ITPR1: variants seen among roughly 807,000 people sequenced by gnomAD.
ITPR1 encodes inositol 1,4,5-trisphosphate receptor type 1.
ITPR1 carries 96 observed loss-of-function variants against 318.4 expected under a neutral mutation model. That is an observed-to-expected ratio of 0.30 (90% CI 0.26 to 0.36). The LOEUF (loss-of-function observed/expected upper bound fraction) is 0.36, where lower values mean the gene tolerates loss of function less well. Among genes scored for constraint, ITPR1 ranks in the 10% least tolerant of loss-of-function variants. The pLI, the probability that ITPR1 is intolerant of heterozygous loss-of-function variation, is 1.00. For synonymous variants in ITPR1, 1,312 were observed against 1,289.9 expected (o/e 1.02, Z -0.37); for missense variants, 2,440 against 3,460.2 (o/e 0.71, Z 7.40).
At chr3:4,791,262 A>C (rs1338788658) in intron 52 of ITPR1, among the ~76,000 whole-genome samples, 1 of 152,212 alleles carries the variant, frequency 6.6e-6, no homozygotes, top group Non-Finnish European at 1.5e-5. Flanking sequence ...GCCCCTGATA[A>C]GTAGAAAACG....
chr3:4,785,158 A>G (rs919752108), intron 51 of ITPR1, among the ~76,000 whole-genome samples: 1 of 152,376 alleles, frequency 6.6e-6, no homozygotes, highest in East Asian at 1.9e-4. Flanking sequence ...TCATTGGTGT[A>G]TCTCCATTTT....
chr3:4,559,352 G>A (rs2125013850), intron 4 of ITPR1, among the ~76,000 whole-genome samples: 1 of 152,116 alleles, frequency 6.6e-6, no homozygotes, highest in East Asian at 1.9e-4. Context: ...GCATTAATTT[G>A]ATTAAAAATT....
chr3:4,626,395 A>T (rs924047212), intron 4 of ITPR1, among the ~76,000 whole-genome samples: 4 of 152,182 alleles, frequency 2.6e-5, no homozygotes, highest in Non-Finnish European at 4.4e-5. Flanking sequence ...GTTCATCATT[A>T]AAAACAATAT....
At chr3:4,714,100 C>G (rs564452295) in intron 39 of ITPR1, among the ~76,000 whole-genome samples, 2 of 152,320 alleles carry the variant, frequency 1.3e-5, no homozygotes, top group East Asian at 3.9e-4. Context: ...CTTTGTCTGT[C>G]TCACTAAGGC....
At chr3:4,526,016 G>C (rs1316994898) in intron 4 of ITPR1, among the ~76,000 whole-genome samples, 1 of 152,192 alleles carries the variant, frequency 6.6e-6, no homozygotes, top group African/African-American at 2.4e-5. Flanking sequence ...CAATTAGATA[G>C]GCTTTAGTGT....
Position 4,684,286 on chromosome 3 carries a change from A to G in ITPR1, c.3504A>G (p.Gly1168=). ...GENEHKKTEE[G]NNKPQKHEST... Reference sequence around the variant, plus strand: ...GTGTTCACTTTGGTTTCTAGGAGGGAAATAACAAGCCACAAAAGCATGAAA... The same window carrying G: ...GTGTTCACTTTGGTTTCTAGGAGGGGAATAACAAGCCACAAAAGCATGAAA... Residue 1168 remains glycine (G), a synonymous_variant, in exon 29 of 62, where the codon GGA becomes GGG. Coordinates refer to ENST00000649015, the MANE Select transcript of ITPR1 (RefSeq NM_001378452.1). 6.2e-7 allele frequency: 1 copy of G among 1,611,012 alleles called. No individual in the cohort carries two copies. The highest frequency in any genetic ancestry group is 8.5e-7 in the Non-Finnish European group (1 of 1,178,006).
At chr3:4,821,691 C>T (rs544527085) in intron 60 of ITPR1, among the ~76,000 whole-genome samples, 2 of 152,306 alleles carry the variant, frequency 1.3e-5, no homozygotes, top group African/African-American at 4.8e-5. Context: ...AACACAACAG[C>T]CTGTCTAGAT....
At chr3:4,514,353 C>A (rs115349606) in intron 2 of ITPR1, among the ~76,000 whole-genome samples, 1,774 of 152,252 alleles carry the variant, frequency 0.012, 31 homozygotes, top group African/African-American at 0.04. Context: ...TAATGCAGAA[C>A]CGTGCTGTAG....
rs1470742750 is a variant in ITPR1, at chr3:4,818,069, GTC to G, written c.7868-10_7868-9del. 2 of 1,586,410 alleles carry G rather than the reference GTC, an allele frequency of 1.3e-6. No homozygotes were observed. Among genetic ancestry groups the G allele is most frequent in the African/African-American group, 2.7e-5 (2 of 74,214 alleles). ...GCTCAGCTGGGGCTGGGGGCTTTTT[GTC>G]TCATTTTTAGGCTTGGAAAGAGACA... On this transcript the variant is annotated splice_polypyrimidine_tract_variant and intron_variant, in intron 59 of 61. Coordinates refer to ENST00000649015, the MANE Select transcript of ITPR1 (RefSeq NM_001378452.1).
At chr3:4,503,885 T>G (rs2081216799) in intron 2 of ITPR1, among the ~76,000 whole-genome samples, 1 of 152,176 alleles carries the variant, frequency 6.6e-6, no homozygotes, top group African/African-American at 2.4e-5. Flanking sequence ...AGGCTGGGAC[T>G]GACTTCAACT....
intron 10 of ITPR1, chr3:4,646,035 A>C: frequency 3.3e-6 from 1 of 299,610 alleles, no homozygotes; most frequent in South Asian, 6.6e-5. Flanking sequence ...TTGGAAACAA[A>C]TTCAAAAACG....
At chr3:4,832,952 C>G (rs575545607) in intron 60 of ITPR1, among the ~76,000 whole-genome samples, 30 of 152,278 alleles carry the variant, frequency 2.0e-4, no homozygotes, top group Non-Finnish European at 3.4e-4. Context: ...TAGACACTCA[C>G]CCTTGGAGGT....
intron 52 of ITPR1, among the ~76,000 whole-genome samples, chr3:4,791,651 T>C (rs2047563475): frequency 6.6e-6 from 1 of 152,200 alleles, no homozygotes; most frequent in African/African-American, 2.4e-5. Flanking sequence ...GTGTAAGCTA[T>C]GACTCCTCCT....
chr3:4,709,191 C>CTT (rs1466214831), intron 37 of ITPR1, among the ~76,000 whole-genome samples: 1 of 152,092 alleles, frequency 6.6e-6, no homozygotes, highest in African/African-American at 2.4e-5. Flanking sequence ...AGAAATGACC[C>CTT]TTTTTTGACT....
chr3:4,648,209 A>T (rs1325849698), intron 10 of ITPR1, among the ~76,000 whole-genome samples: 3 of 151,812 alleles, frequency 2.0e-5, no homozygotes, highest in Non-Finnish European at 4.4e-5. Flanking sequence ...TTCCACAGTT[A>T]TGATAAAAAG....
chr3:4,627,715 C>A, intron 4 of ITPR1, 48 bp from the exon 5 acceptor site: 1 of 1,116,942 alleles, frequency 9.0e-7, no homozygotes, highest in Non-Finnish European at 1.4e-6. Context: ...TAGGCTGAGT[C>A]TCTATACACC....
chr3:4,703,243 C>T (rs1216457631), intron 36 of ITPR1, among the ~76,000 whole-genome samples: 1 of 152,192 alleles, frequency 6.6e-6, no homozygotes, highest in Non-Finnish European at 1.5e-5. Flanking sequence ...ACAGCTTATT[C>T]AAGGCCCTGG....
At chr3:4,808,187 A>C (rs1213344431) in intron 55 of ITPR1, among the ~76,000 whole-genome samples, 3 of 152,114 alleles carry the variant, frequency 2.0e-5, no homozygotes, top group African/African-American at 7.2e-5. Context: ...GTGAGTGGTC[A>C]CCCTGCACTC....
chr3:4,579,054 C>T (rs2089010179), intron 4 of ITPR1, among the ~76,000 whole-genome samples: 1 of 152,158 alleles, frequency 6.6e-6, no homozygotes, highest in African/African-American at 2.4e-5. Context: ...CATTCTGATA[C>T]AAAGAAGCAC....
Sources: allele counts gnomAD v4.1 joint callset (sites outside exome capture counted in the v4.1 genomes callset), GRCh38; gene constraint gnomAD v4.1.1; transcripts MANE v1.5; gene names NCBI Gene and HGNC (gene_info 2026-07-23, HGNC 2026-07-21).